The following ZFYVE26 variants were observed in gnomAD, a reference collection of about 807,000 sequenced individuals.
ZFYVE26 encodes the protein zinc finger FYVE domain-containing protein 26.
Under a neutral mutation model 276.5 loss-of-function variants are expected in ZFYVE26, and 181 were observed. That is an observed-to-expected ratio of 0.65 (90% CI 0.58 to 0.74). The LOEUF (loss-of-function observed/expected upper bound fraction) is 0.74, where lower values mean the gene tolerates loss of function less well. ZFYVE26 is among the 30% of genes least tolerant of loss of function. The pLI is 0.00. For synonymous variants in ZFYVE26, 1,129 were observed against 1,203.1 expected, an observed-to-expected ratio of 0.94 and a Z score of 1.27; for missense variants, 2,821 against 3,097.9, an observed-to-expected ratio of 0.91 and a Z score of 2.12.
At chr14:67,813,108 C>A (rs897628387) in intron 3 of ZFYVE26, among the ~76,000 whole-genome samples, 5 of 152,192 alleles carry the variant, frequency 3.3e-5, no homozygotes, top group African/African-American at 7.2e-5. Flanking sequence ...GAACCAAAGA[C>A]AAAATTAATT....
In ZFYVE26 at chr14:67,805,204, C is replaced by T. The variant is rs2040152409; in HGVS notation, c.1271+13G>A. The T allele has an allele frequency of 3.7e-6, 6 of 1,612,912 alleles. No homozygotes were observed. The highest frequency in any genetic ancestry group is 5.1e-6 in the Non-Finnish European group (6 of 1,179,542). On this transcript the variant is annotated intron_variant, in intron 8 of 41. Transcript: ENST00000347230. ...CCCTGTGGTGGGCAGGCGCTGACTG[C>T]ACAGGGCCATACCTGCTCTGCTGTA...
chr14:67,785,018 C>T (rs888663290), intron 19 of ZFYVE26, 41 bp downstream of exon 19: 1 of 1,601,568 alleles, frequency 6.2e-7, no homozygotes, highest in Non-Finnish European at 8.6e-7. Context: ...TGAACACTTG[C>T]AGGTCTGCCA....
intron 13 of ZFYVE26, among the ~76,000 whole-genome samples, chr14:67,741,399 G>A (rs986987801): frequency 1.3e-5 from 2 of 152,158 alleles, no homozygotes; most frequent in African/African-American, 4.8e-5. Flanking sequence ...CTGGGTCTAA[G>A]GGCAATACTA....
Position 67,805,501 on chromosome 14 carries a change from T to C in ZFYVE26, c.1135A>G (p.Ser379Gly). Residue 379 changes from serine (S) to glycine (G), a missense_variant, in exon 7 of 42, where the codon AGC becomes GGC. Transcript: ENST00000347230. ...LVLLGWTHCQ[S>G]LESAKRLLQT... The stretch of plus-strand genomic sequence containing the variant: ...AGCAGCCTCTTGGCTGACTCTAGGC[T>C]CTGGCAGTGTGTCCAGCCCAGGAGT... 1 of 1,614,222 alleles carries C rather than the reference T, an allele frequency of 6.2e-7. No individual in the cohort carries two copies. Among genetic ancestry groups the C allele is most frequent in the South Asian group, 1.1e-5 (1 of 91,090 alleles).
At chr14:67,778,092 C>G in intron 24 of ZFYVE26, 34 bp downstream of exon 24, 2 of 1,613,918 alleles carry the variant, frequency 1.2e-6, no homozygotes, top group Non-Finnish European at 1.7e-6. Context: ...CTTGTCCCAC[C>G]CCAGAAGAAA....
At chr14:67,754,943 G>A (rs2038739420) in intron 37 of ZFYVE26, 108 bp downstream of exon 37, 2 of 1,300,016 alleles carry the variant, frequency 1.5e-6, no homozygotes, top group African/African-American at 1.5e-5. Context: ...ATTCCCTTTA[G>A]ATTTTTTTTC....
intron 13 of ZFYVE26, among the ~76,000 whole-genome samples, chr14:67,740,942 T>C (rs1226195300): frequency 1.3e-5 from 2 of 152,076 alleles, no homozygotes; most frequent in Non-Finnish European, 2.9e-5. Context: ...TGTTTAATAT[T>C]GCAAATTTTT....
Position 67,785,175 on chromosome 14 carries a change from T to A in ZFYVE26, c.3407A>T (p.Lys1136Met), listed in dbSNP as rs1202566225. 7 of 1,614,242 alleles carry A rather than the reference T, an allele frequency of 4.3e-6. No individual in the cohort carries two copies. Among genetic ancestry groups the A allele is most frequent in the Non-Finnish European group, 5.9e-6 (7 of 1,180,036 alleles). Residue 1136 changes from lysine (K) to methionine (M), a missense_variant, in exon 19 of 42, where the codon AAG becomes ATG. Coordinates refer to ENST00000347230, the MANE Select transcript of ZFYVE26 (RefSeq NM_015346.4). ...PVQIQTQLLQ[K>M]NLGKQTPSGS... ...TGATGGGGTCTGTTTGCCCAGGTTC[T>A]TCTGGAGGAGCTGAGTCTGGATCTG...
chr14:67,792,774 T>C (rs1335781202), intron 14 of ZFYVE26, among the ~76,000 whole-genome samples: 2 of 151,300 alleles, frequency 1.3e-5, no homozygotes, highest in Non-Finnish European at 2.9e-5. Context: ...TAGCCAGATA[T>C]GGTGGTGCAT....
intron 35 of ZFYVE26, among the ~76,000 whole-genome samples, chr14:67,759,614 C>T (rs1003109296): frequency 2.5e-5 from 2 of 79,180 alleles, no homozygotes; most frequent in African/African-American, 5.4e-5. Flanking sequence ...CAGAGCAAGA[C>T]TCTGGCTCAA....
Position 67,729,244 on chromosome 14 carries a change from G to C in ZFYVE26, n.3255C>G, listed in dbSNP as rs1316624378. Reference sequence around the variant, plus strand: ...CCCAGGCGTCGTCCGCTCTGAGCTGGTCCGGCACTCCTCCCTGCTCTGCCT... The same window carrying C: ...CCCAGGCGTCGTCCGCTCTGAGCTGCTCCGGCACTCCTCCCTGCTCTGCCT... On this transcript the variant is annotated non_coding_transcript_exon_variant, in exon 14 of 15. Transcript: ENST00000394455. 6.2e-7 allele frequency: 1 copy of C among 1,610,330 alleles called. No individual in the cohort carries two copies.
At chr14:67,739,620 G>A (rs572814115) in intron 13 of ZFYVE26, among the ~76,000 whole-genome samples, 6 of 151,182 alleles carry the variant, frequency 4.0e-5, no homozygotes, top group Middle Eastern at 3.4e-3. Context: ...GTGAATATTT[G>A]ACAACTTTTT....
chr14:67,741,760 G>A (rs924527535), downstream of ZFYVE26, among the ~76,000 whole-genome samples: 8 of 152,168 alleles, frequency 5.3e-5, no homozygotes, highest in Non-Finnish European at 8.8e-5. Context: ...ATTTGAAAAC[G>A]TGACACATAT....
intron 14 of ZFYVE26, among the ~76,000 whole-genome samples, chr14:67,792,727 CATCGCAAA>C (rs891473602): frequency 4.6e-4 from 69 of 151,538 alleles, no homozygotes; most frequent in African/African-American, 1.6e-3. Context: ...GCCTGACAAA[CATCGCAAA>C]ACCTCATCTC....
intron 3 of ZFYVE26, among the ~76,000 whole-genome samples, chr14:67,811,839 AAATATAT>A (rs2040308380): frequency 1.3e-5 from 2 of 148,598 alleles, no homozygotes; most frequent in Middle Eastern, 3.6e-3. Context: ...GTTACATATG[AAATATAT>A]AATATATAAC....
At chr14:67,789,162 T>C (rs1394270549) in intron 16 of ZFYVE26, among the ~76,000 whole-genome samples, 173 bp downstream of exon 16, 1 of 152,224 alleles carries the variant, frequency 6.6e-6, no homozygotes, top group African/African-American at 2.4e-5. Context: ...CTATGTCTAT[T>C]TTGTCTCTCA....
chr14:67,802,054 T>C, intron 10 of ZFYVE26, 25 bp downstream of exon 10: 3 of 1,611,788 alleles, frequency 1.9e-6, no homozygotes, highest in Non-Finnish European at 2.5e-6. Flanking sequence ...TCAGCTTATC[T>C]CACGGATGGA....
At chr14:67,774,990 A>T in intron 27 of ZFYVE26, 26 bp downstream of exon 27, 1 of 1,546,022 alleles carries the variant, frequency 6.5e-7, no homozygotes, top group Non-Finnish European at 8.9e-7. Flanking sequence ...GAAAAATTTT[A>T]GTGAATCATC....
At chr14:67,760,231 T>C (rs1299931072) in intron 35 of ZFYVE26, among the ~76,000 whole-genome samples, 1 of 152,110 alleles carries the variant, frequency 6.6e-6, no homozygotes, top group Non-Finnish European at 1.5e-5. Flanking sequence ...ATCTGGAAAC[T>C]GAGGAAAAGG....
Sources: allele counts gnomAD v4.1 joint callset (sites outside exome capture counted in the v4.1 genomes callset), GRCh38; gene constraint gnomAD v4.1.1; transcripts MANE v1.5; gene names NCBI Gene and HGNC (gene_info 2026-07-23, HGNC 2026-07-21).